Variants in SP3 observed in about 807,000 individuals in gnomAD.
SP3 encodes Sp3 transcription factor, also known as transcription factor Sp3.
Under a neutral mutation model 70.3 loss-of-function variants are expected in SP3, and 10 were observed. The observed-to-expected ratio is 0.14, with a 90% CI of 0.09 to 0.24. The LOEUF is 0.24. SP3 is among the 10% of genes least tolerant of loss of function. The probability of loss-of-function intolerance (pLI) is 1.00; values close to 1 mark genes in which losing one functional copy is unlikely to be tolerated. For synonymous variants in SP3, 402 were observed against 333.5 expected, an observed-to-expected ratio of 1.21 and a Z score of -2.24; for missense variants, 825 against 914.6, an observed-to-expected ratio of 0.90 and a Z score of 1.26.
intron 3 of SP3, among the ~76,000 whole-genome samples, chr2:173,961,076 A>C (rs1282339424): frequency 6.6e-6 from 1 of 152,252 alleles, no homozygotes; most frequent in Non-Finnish European, 1.5e-5. Flanking sequence ...CAAACTGGTC[A>C]AAGTTAATAC....
At chr2:173,950,266 G>A (rs756559933) in intron 4 of SP3, among the ~76,000 whole-genome samples, 4 of 151,492 alleles carry the variant, frequency 2.6e-5, no homozygotes, top group East Asian at 1.9e-4. Context: ...TGTTAAAGGG[G>A]TCCTTTAAAC....
intron 4 of SP3, among the ~76,000 whole-genome samples, chr2:173,950,130 C>T (rs73028271): frequency 0.033 from 4,989 of 151,952 alleles, 141 homozygotes; most frequent in Admixed American, 0.1. Context: ...TTCAGCTTGG[C>T]GCCTGATGTT....
chr2:173,926,085 C>T (rs1689901000), intron 4 of SP3, among the ~76,000 whole-genome samples: 1 of 152,156 alleles, frequency 6.6e-6, no homozygotes, highest in Non-Finnish European at 1.5e-5. Context: ...ATTCAAACTG[C>T]TCTTGATTCA....
intron 6 of SP3, among the ~76,000 whole-genome samples, chr2:173,912,646 CAG>C (rs1159434422): frequency 6.6e-6 from 1 of 152,024 alleles, no homozygotes; most frequent in Non-Finnish European, 1.5e-5. Context: ...TCCCTTACCT[CAG>C]AGATACTAAA....
At chr2:173,919,068 A>G (rs1292249672) in intron 4 of SP3, among the ~76,000 whole-genome samples, 1 of 152,246 alleles carries the variant, frequency 6.6e-6, no homozygotes, top group Non-Finnish European at 1.5e-5. Context: ...CTCGGAAAAT[A>G]CAATCTCCCT....
chr2:173,920,108 C>A lies in SP3; in HGVS notation c.1640-1323G>T, dbSNP rs184650211. On this transcript the variant is annotated intron_variant, in intron 4 of 6. Transcript: ENST00000310015. Reference sequence around the variant, plus strand: ...AGCCCCCCCGCACCCCCTATGTATTCCCTTTATATACAGGGAATGGGATCG... The same window carrying A: ...AGCCCCCCCGCACCCCCTATGTATTACCTTTATATACAGGGAATGGGATCG... 4.6e-5 allele frequency among the ~76,000 whole-genome samples: 7 copies of A among 152,006 alleles called. No individual in the cohort carries two copies. In the East Asian group the frequency reaches 1.4e-3, roughly 29 times the overall value.
rs1477198036 is a variant in SP3 at position 173,904,334 on chromosome 2, G to A, written c.*5607C>T. Among the ~76,000 whole-genome samples the A allele has an allele frequency of 6.6e-6, 1 of 152,156 alleles. No individual in the cohort carries two copies. Among genetic ancestry groups the A allele is most frequent in the East Asian group, 1.9e-4 (1 of 5,194 alleles). ...AGGATCAAGTCATCAACTCTATGGT[G>A]TTTTACGAGAGAATATACTGTACCT... On this transcript the variant is annotated 3_prime_UTR_variant, in exon 7 of 7. Transcript: ENST00000310015.
Position 173,935,832 on chromosome 2 carries a change from G to A in SP3, c.1640-17047C>T, listed in dbSNP as rs889184433. Among the ~76,000 whole-genome samples the A allele has an allele frequency of 2.7e-5, 4 of 150,054 alleles. No individual in the cohort carries two copies. In the Admixed American group the frequency reaches 2.8e-4, roughly 10 times the overall value. ...CCAGATCAGTTTTCCCCTCACAAAC[G>A]TGCCAATGATATAACTTTAAAACAA... On this transcript the variant is annotated intron_variant, in intron 4 of 6. Transcript: ENST00000310015.
At chr2:173,928,154 T>G (rs921675191) in intron 4 of SP3, among the ~76,000 whole-genome samples, 1 of 152,208 alleles carries the variant, frequency 6.6e-6, no homozygotes, top group African/African-American at 2.4e-5. Context: ...TAAAACTGTA[T>G]ATAAACATTA....
At chr2:173,956,414 C>T (rs1246289926) in intron 3 of SP3, among the ~76,000 whole-genome samples, 182 bp from the exon 4 acceptor site, 1 of 152,178 alleles carries the variant, frequency 6.6e-6, no homozygotes, top group Non-Finnish European at 1.5e-5. Context: ...AGTTTTGTTA[C>T]TGCAAAGACA....
chr2:173,957,237 G>A (rs1186416539), intron 3 of SP3, among the ~76,000 whole-genome samples: 2 of 152,066 alleles, frequency 1.3e-5, no homozygotes, highest in Non-Finnish European at 2.9e-5. Context: ...AATTTACCAA[G>A]ATGAAATACA....
chr2:173,938,934 A>AT lies in SP3; in HGVS notation c.1639+15938dup, dbSNP rs1026650728. On this transcript the variant is annotated intron_variant, in intron 4 of 6. Coordinates refer to ENST00000310015, the MANE Select transcript of SP3 (RefSeq NM_003111.5). ...GGGACATCTGGCAATGTGTGAAGCC[A>AT]TTTTTTTTATTATCACAACTGCCTG... 5.3e-5 allele frequency among the ~76,000 whole-genome samples: 8 copies of AT among 152,076 alleles called. No individual in the cohort carries two copies. In the South Asian group the frequency reaches 6.2e-4, roughly 12 times the overall value.
intron 5 of SP3, chr2:173,915,953 A>G (rs1398493290): frequency 6.6e-6 from 1 of 152,094 alleles, no homozygotes. Context: ...CATCTTGCCC[A>G]TATTCTTTAA....
chr2:173,935,116 A>G (rs897538754), intron 4 of SP3, among the ~76,000 whole-genome samples: 1 of 152,158 alleles, frequency 6.6e-6, no homozygotes, highest in Non-Finnish European at 1.5e-5. Flanking sequence ...GCAGTGACTC[A>G]TGCCTGTAAT....
In SP3 at chr2:173,907,962, G is replaced by C. The variant is rs946947460; in HGVS notation, c.*1979C>G. 1 of 152,056 alleles carries C rather than the reference G, an allele frequency of 6.6e-6. No individual in the cohort carries two copies. The highest frequency in any genetic ancestry group is 6.6e-5 in the Admixed American group (1 of 15,258). 9.4% of individuals were successfully genotyped at this position (152,056 alleles called of 1,614,324 possible). A position where few individuals can be genotyped will look rare whatever the true frequency, so the allele number is the denominator to read the frequency against. Reference sequence around the variant, plus strand: ...CAGGTATTACAGACAGAGTCAGACTGGGCCTGGAAAACAGAAAATGGACAT... The same window carrying C: ...CAGGTATTACAGACAGAGTCAGACTCGGCCTGGAAAACAGAAAATGGACAT... On this transcript the variant is annotated 3_prime_UTR_variant, in exon 7 of 7. Coordinates refer to ENST00000310015, the MANE Select transcript of SP3 (RefSeq NM_003111.5).
rs538439190 is a variant in SP3 at position 173,942,094 on chromosome 2, T to A, written c.1639+12779A>T. Among the ~76,000 whole-genome samples, 3 of 152,324 alleles carry A rather than the reference T, an allele frequency of 2.0e-5. No homozygotes were observed. In the South Asian group the frequency reaches 6.2e-4, roughly 32 times the overall value. ...AGTTCTTCTCTATGTATATTCTTTCTCTACTAAGTTAGAAATTCTTAAACC... is the reference window on the plus strand; with the variant it reads ...AGTTCTTCTCTATGTATATTCTTTCACTACTAAGTTAGAAATTCTTAAACC... On this transcript the variant is annotated intron_variant, in intron 4 of 6. Transcript: ENST00000310015.
rs1689314797 is a variant in SP3 at position 173,906,160 on chromosome 2, C to A, written c.*3781G>T. Among the ~76,000 whole-genome samples, 1 of 152,154 alleles carries A rather than the reference C, an allele frequency of 6.6e-6. No homozygotes were observed. Among genetic ancestry groups the A allele is most frequent in the Non-Finnish European group, 1.5e-5 (1 of 68,040 alleles). ...CCACTCTGTCCCTCACAAAGTCCCCCATCACCCAACATACCACACTGTACC... is the reference window on the plus strand; with the variant it reads ...CCACTCTGTCCCTCACAAAGTCCCCAATCACCCAACATACCACACTGTACC... On this transcript the variant is annotated 3_prime_UTR_variant, in exon 7 of 7. Transcript: ENST00000310015.
At position 173,908,485 on chromosome 2, in the gene SP3, C is replaced by A. The variant is rs1689387627; in HGVS notation, c.*1456G>T. On this transcript the variant is annotated 3_prime_UTR_variant, in exon 7 of 7. Coordinates refer to ENST00000310015, the MANE Select transcript of SP3 (RefSeq NM_003111.5). Reference sequence around the variant, plus strand: ...AAGAAAAATAAACCACCAATTCTTACCCCATACCACTGCAATATTTTTTAT... The same window carrying A: ...AAGAAAAATAAACCACCAATTCTTAACCCATACCACTGCAATATTTTTTAT... The A allele has an allele frequency of 1.3e-5, 2 of 152,378 alleles. No individual in the cohort carries two copies. Among genetic ancestry groups the A allele is most frequent in the Admixed American group, 1.3e-4 (2 of 15,262 alleles). 9.4% of individuals were successfully genotyped at this position (152,378 alleles called of 1,614,324 possible).
chr2:173,943,197 A>G (rs1206505826), intron 4 of SP3, among the ~76,000 whole-genome samples: 1 of 152,186 alleles, frequency 6.6e-6, no homozygotes, highest in East Asian at 1.9e-4. Flanking sequence ...AAACCTGCCA[A>G]TGTTTTCCTA....
Sources: allele counts gnomAD v4.1 joint callset (sites outside exome capture counted in the v4.1 genomes callset), GRCh38; gene constraint gnomAD v4.1.1; transcripts MANE v1.5; gene names NCBI Gene and HGNC (gene_info 2026-07-23, HGNC 2026-07-21).